DNAH11: variants seen among roughly 807,000 people sequenced by gnomAD.
The protein encoded by DNAH11 is axonemal beta dynein heavy chain 11.
DNAH11 carries 442 observed loss-of-function variants against 526.0 expected under a neutral mutation model. That is an observed-to-expected ratio of 0.84 (90% CI 0.78 to 0.91). The LOEUF is 0.91. Among genes scored for constraint, DNAH11 ranks in the 40% least tolerant of loss-of-function variants. The probability of loss-of-function intolerance (pLI) is 0.00; values close to 1 mark genes in which losing one functional copy is unlikely to be tolerated. For missense variants in DNAH11, 6,989 were observed against 5,448.7 expected (o/e 1.28, Z -8.90); for synonymous variants, 2,461 against 1,935.9 (o/e 1.27, Z -7.12).
At chr7:21,703,266 G>C (rs1235029334) in intron 37 of DNAH11, among the ~76,000 whole-genome samples, 1 of 152,178 alleles carries the variant, frequency 6.6e-6, no homozygotes, top group Non-Finnish European at 1.5e-5. Flanking sequence ...TGGTTGGTCA[G>C]AGCTACTAGA....
intron 68 of DNAH11, among the ~76,000 whole-genome samples, chr7:21,856,063 G>T (rs1396911676): frequency 6.6e-6 from 1 of 152,192 alleles, no homozygotes; most frequent in African/African-American, 2.4e-5. Flanking sequence ...GGGATTCCAG[G>T]TAGTGAGTGA....
At chr7:21,648,301 C>T (rs941573160) in intron 28 of DNAH11, among the ~76,000 whole-genome samples, 1 of 152,186 alleles carries the variant, frequency 6.6e-6, no homozygotes, top group Non-Finnish European at 1.5e-5. Context: ...TGTATCCATG[C>T]CCTTTGAATG....
chr7:21,596,970 G>T (rs1398449344), intron 14 of DNAH11, among the ~76,000 whole-genome samples: 1 of 152,170 alleles, frequency 6.6e-6, no homozygotes, highest in Non-Finnish European at 1.5e-5. Flanking sequence ...CAGGCTTCTG[G>T]TGAGGAACAT....
intron 28 of DNAH11, among the ~76,000 whole-genome samples, chr7:21,648,182 G>T (rs1787445576): frequency 1.3e-5 from 2 of 152,150 alleles, no homozygotes; most frequent in Admixed American, 1.3e-4. Context: ...AAAGCAGTAG[G>T]TATTGTCTGT....
At chr7:21,888,694 TAGTC>T (rs1213271662) in intron 76 of DNAH11, among the ~76,000 whole-genome samples, 9 of 152,030 alleles carry the variant, frequency 5.9e-5, no homozygotes, top group African/African-American at 2.2e-4. Context: ...TTCACCATGT[TAGTC>T]AGGCTGGTCT....
intron 20 of DNAH11, among the ~76,000 whole-genome samples, chr7:21,607,079 G>A (rs1365960833): frequency 6.6e-6 from 1 of 152,134 alleles, no homozygotes; most frequent in Non-Finnish European, 1.5e-5. Context: ...AAGCCACTCT[G>A]AGTCTCAAAA....
At chr7:21,628,727 C>G (rs1250042585) in intron 25 of DNAH11, among the ~76,000 whole-genome samples, 1 of 152,024 alleles carries the variant, frequency 6.6e-6, no homozygotes. Context: ...CTATGTTTAT[C>G]AGTAGTATTG....
At chr7:21,863,624 A>T (rs1168427081) in intron 69 of DNAH11, among the ~76,000 whole-genome samples, 1 of 152,140 alleles carries the variant, frequency 6.6e-6, no homozygotes, top group East Asian at 1.9e-4. Flanking sequence ...CTTGTTTTGT[A>T]TGTACTGCTC....
Position 21,750,281 on chromosome 7 carries a change from A to G in DNAH11, c.8857A>G (p.Asn2953Asp). 2 of 1,604,688 alleles carry G rather than the reference A, an allele frequency of 1.2e-6. No homozygotes were observed. The highest frequency in any genetic ancestry group is 1.7e-6 in the Non-Finnish European group (2 of 1,175,268). Reference protein sequence around the residue: ...DVDKIISGIHNEVHALGMVDS... With the variant: ...DVDKIISGIHDEVHALGMVDS... ...GGACAAGATAATTTCTGGAATTCAT[A>G]ATGAAGTTCATGCTCTGGGCATGGT... The change falls in exon 54 of 82, where the codon AAT becomes GAT. Residue 2953 changes from asparagine (N) to aspartate (D), a missense_variant. Asn to Asp is a conservative substitution (Grantham distance 23, BLOSUM62 1). Transcript: ENST00000409508.
intron 44 of DNAH11, among the ~76,000 whole-genome samples, chr7:21,724,860 T>A (rs991435008): frequency 7.0e-5 from 9 of 128,162 alleles, no homozygotes; most frequent in African/African-American, 2.6e-4. Context: ...CTGGACCAGA[T>A]CATCCTAGGG....
rs766238014 is a variant in DNAH11 at position 21,801,163 on chromosome 7, C to G, written c.10053C>G (p.Leu3351=). The G allele has an allele frequency of 5.0e-6, 8 of 1,610,964 alleles. No homozygotes were observed. In the African/African-American group the frequency reaches 5.3e-5, roughly 11 times the overall value. The part of the protein sequence containing the change: ...LVDLDRNLSR[L]TASFEKATAE... ...ATCTGGATCGAAATCTGAGCAGACT[C>G]ACGGCTTCATTTGAAAAAGCAACAG... The change falls in exon 62 of 82, where the codon CTC becomes CTG. Residue 3351 remains leucine (L), a synonymous_variant. Transcript: ENST00000409508.
intron 30 of DNAH11, among the ~76,000 whole-genome samples, chr7:21,667,009 C>A (rs1782446338): frequency 6.6e-6 from 1 of 152,012 alleles, no homozygotes; most frequent in African/African-American, 2.4e-5. Flanking sequence ...GAAAATCAGT[C>A]CAAACCTATA....
chr7:21,701,067 G>A (rs1484197303), intron 36 of DNAH11, among the ~76,000 whole-genome samples: 1 of 151,982 alleles, frequency 6.6e-6, no homozygotes, highest in Non-Finnish European at 1.5e-5. Flanking sequence ...TGTAACAAAT[G>A]TGCACATTCT....
chr7:21,798,439 T>C (rs1208173392), intron 61 of DNAH11, among the ~76,000 whole-genome samples: 2 of 152,198 alleles, frequency 1.3e-5, no homozygotes, highest in Admixed American at 6.5e-5. Context: ...CTCTTAACTA[T>C]ACAGTATACC....
In DNAH11 at chr7:21,901,620, C is replaced by T. The variant is rs575770668; in HGVS notation, c.*366C>T. On this transcript the variant is annotated 3_prime_UTR_variant, in exon 82 of 82. Coordinates refer to ENST00000409508, the MANE Select transcript of DNAH11 (RefSeq NM_001277115.2). Reference sequence around the variant, plus strand: ...TACATCATATGTGAACATGCAAAAGCAATGCAGCCGGAAAGAACGGAGATT... The same window carrying T: ...TACATCATATGTGAACATGCAAAAGTAATGCAGCCGGAAAGAACGGAGATT... 1 of 162,100 alleles carries T rather than the reference C, an allele frequency of 6.2e-6. No homozygotes were observed. The highest frequency in any genetic ancestry group is 2.0e-4 in the South Asian group (1 of 4,998). The allele number at this position is 162,100 out of a possible 1,614,324, so 10.0% of individuals were successfully genotyped here. A position where few individuals can be genotyped will look rare whatever the true frequency, so the allele number is the denominator to read the frequency against.
intron 30 of DNAH11, among the ~76,000 whole-genome samples, chr7:21,662,604 T>G (rs907950636): frequency 2.6e-5 from 4 of 152,166 alleles, no homozygotes; most frequent in African/African-American, 9.6e-5. Context: ...TCACTTTTTT[T>G]TGTGGTAAGA....
At chr7:21,854,590 C>G (rs1404333152) in intron 68 of DNAH11, 135 bp downstream of exon 68, 6 of 1,038,580 alleles carry the variant, frequency 5.8e-6, no homozygotes, top group Non-Finnish European at 6.6e-6. Context: ...CACTCTGTAG[C>G]CCAGGCTGGA....
intron 30 of DNAH11, among the ~76,000 whole-genome samples, chr7:21,674,518 G>C (rs971758218): frequency 1.3e-5 from 2 of 152,076 alleles, no homozygotes; most frequent in African/African-American, 4.8e-5. Context: ...GCACCACCAT[G>C]CCTGGCTAAT....
chr7:21,682,221 T>G (rs1436746429), intron 31 of DNAH11, among the ~76,000 whole-genome samples: 2 of 152,208 alleles, frequency 1.3e-5, no homozygotes, highest in African/African-American at 4.8e-5. Context: ...TAATAACCTT[T>G]CTTTTATATA....
Sources: allele counts gnomAD v4.1 joint callset (sites outside exome capture counted in the v4.1 genomes callset), GRCh38; gene constraint gnomAD v4.1.1; transcripts MANE v1.5; gene names NCBI Gene and HGNC (gene_info 2026-07-23, HGNC 2026-07-21).